Variants in LPP observed in about 807,000 individuals in gnomAD.
The protein encoded by LPP is lipoma-preferred partner.
LPP carries 38 observed loss-of-function variants against 60.4 expected under a neutral mutation model. The observed-to-expected ratio is 0.63, with a 90% CI of 0.49 to 0.83. The LOEUF is 0.83. Among genes scored for constraint, LPP ranks in the 40% least tolerant of loss-of-function variants. LPP has a pLI of 0.00. For synonymous variants in LPP, 328 were observed against 290.8 expected (o/e 1.13, Z -1.30); for missense variants, 902 against 783.6 (o/e 1.15, Z -1.80).
intron 8 of LPP, among the ~76,000 whole-genome samples, chr3:188,745,224 T>C (rs1296466476): frequency 6.6e-6 from 1 of 152,146 alleles, no homozygotes; most frequent in East Asian, 1.9e-4. Flanking sequence ...GGAAGGCAGG[T>C]GTCAGGTCTT....
intron 3 of LPP, among the ~76,000 whole-genome samples, chr3:188,366,904 T>A (rs1292355475): frequency 6.6e-6 from 1 of 152,026 alleles, no homozygotes. Context: ...GAATTGATTT[T>A]TTTTTTTTTT....
At chr3:188,804,868 C>T (rs932531570) in intron 9 of LPP, among the ~76,000 whole-genome samples, 1 of 151,946 alleles carries the variant, frequency 6.6e-6, no homozygotes, top group Non-Finnish European at 1.5e-5. Flanking sequence ...GAGCAAGTTT[C>T]CTTCTTTTCA....
chr3:188,293,410 C>T (rs973299394), intron 2 of LPP, among the ~76,000 whole-genome samples: 10 of 152,148 alleles, frequency 6.6e-5, no homozygotes, highest in African/African-American at 2.2e-4. Flanking sequence ...ATAAACTTAC[C>T]ATCTTGATGA....
chr3:188,721,689 G>A (rs1278712026), intron 8 of LPP, among the ~76,000 whole-genome samples: 1 of 152,176 alleles, frequency 6.6e-6, no homozygotes, highest in African/African-American at 2.4e-5. Context: ...GTGTCCTCAA[G>A]CTTACCCATT....
chr3:188,835,889 C>A (rs1220828159), intron 9 of LPP, among the ~76,000 whole-genome samples: 1 of 152,162 alleles, frequency 6.6e-6, no homozygotes, highest in Non-Finnish European at 1.5e-5. Flanking sequence ...ACAGTAGTTT[C>A]ATTTGAAGGG....
intron 9 of LPP, among the ~76,000 whole-genome samples, chr3:188,764,088 T>C (rs1733265898): frequency 6.6e-6 from 1 of 152,184 alleles, no homozygotes; most frequent in Non-Finnish European, 1.5e-5. Flanking sequence ...TGAGATGCTT[T>C]TCTTCTTTGG....
At chr3:188,694,660 C>T (rs1862829423) in intron 7 of LPP, among the ~76,000 whole-genome samples, 1 of 151,522 alleles carries the variant, frequency 6.6e-6, no homozygotes. Context: ...CGAGATGTTG[C>T]CATTGCACAC....
chr3:188,773,429 G>A (rs1736735552), intron 9 of LPP, among the ~76,000 whole-genome samples: 1 of 152,090 alleles, frequency 6.6e-6, no homozygotes, highest in Non-Finnish European at 1.5e-5. Context: ...TAAGACAAGA[G>A]CGAGGAATGC....
intron 1 of LPP, among the ~76,000 whole-genome samples, chr3:188,156,211 C>T (rs1716365448): frequency 6.6e-6 from 1 of 152,064 alleles, no homozygotes; most frequent in South Asian, 2.1e-4. Flanking sequence ...GAGGCAGGCT[C>T]TCTGTAAGCA....
intron 9 of LPP, among the ~76,000 whole-genome samples, chr3:188,777,151 A>T (rs1738064626): frequency 1.3e-5 from 2 of 151,934 alleles, no homozygotes. Context: ...AGTTGTTTTC[A>T]TTTGATATTC....
At chr3:188,524,874 T>C (rs534261510) in intron 6 of LPP, 87 bp downstream of exon 6, 11 of 1,366,726 alleles carry the variant, frequency 8.0e-6, no homozygotes, top group Non-Finnish European at 1.1e-5. Flanking sequence ...TGAGAGCTTA[T>C]TTCCCCTTCC....
In LPP at chr3:188,708,878, T is replaced by G. The variant is rs556861335; in HGVS notation, c.1240+485T>G. ...ACAGAGTGAGACCCTGTTTTTTTGT[T>G]TTTTGTTTTTGTTTTTGTTTTTTGT... On this transcript the variant is annotated intron_variant, in intron 8 of 11. Transcript: ENST00000617246. 5 of 158,450 alleles carry G rather than the reference T, an allele frequency of 3.2e-5. No individual in the cohort carries two copies. The South Asian group carries it at 8.2e-4, about 26-fold the overall frequency. 9.8% of individuals were successfully genotyped at this position (158,450 alleles called of 1,614,324 possible).
Position 188,450,693 on chromosome 3 carries a change from C to T in LPP, c.194-33899C>T, listed in dbSNP as rs185484702. ...CTGGGAAGCAGAGGTTGCAGTGAGC[C>T]GAGATCACGCCACTGCACTCCAGCT... On this transcript the variant is annotated intron_variant, in intron 4 of 11. Transcript: ENST00000617246. Among the ~76,000 whole-genome samples, 315 of 151,460 alleles carry T rather than the reference C, an allele frequency of 2.1e-3. 4 individuals are homozygous for T. The highest frequency in any genetic ancestry group is 0.014 in the Middle Eastern group (4 of 294).
chr3:188,732,819 ATCT>A (rs1279695252), intron 8 of LPP, among the ~76,000 whole-genome samples: 1 of 152,118 alleles, frequency 6.6e-6, no homozygotes, highest in Non-Finnish European at 1.5e-5. Flanking sequence ...ATGAAAATAC[ATCT>A]TCTTAGAGTA....
chr3:188,312,530 C>T (rs560929846), intron 2 of LPP, among the ~76,000 whole-genome samples: 118 of 152,080 alleles, frequency 7.8e-4, no homozygotes, highest in African/African-American at 2.7e-3. Context: ...AAATGCCTTC[C>T]CCACTTTGTG....
intron 1 of LPP, among the ~76,000 whole-genome samples, chr3:188,185,777 G>A (rs1435938918): frequency 6.6e-6 from 1 of 152,178 alleles, no homozygotes; most frequent in South Asian, 2.1e-4. Context: ...CATGGTGTGG[G>A]TAATTGTTGA....
chr3:188,759,977 A>G, intron 8 of LPP, 136 bp from the exon 9 acceptor site: 1 of 675,858 alleles, frequency 1.5e-6, no homozygotes. Context: ...TAATGGGGTA[A>G]TAGTACTGGG....
At chr3:188,781,295 C>T (rs1456376663) in intron 9 of LPP, among the ~76,000 whole-genome samples, 3 of 152,166 alleles carry the variant, frequency 2.0e-5, no homozygotes, top group East Asian at 3.9e-4. Context: ...AGGAAAGAGA[C>T]TGGATGACCA....
At chr3:188,663,539 G>T (rs1855072417) in intron 7 of LPP, among the ~76,000 whole-genome samples, 1 of 152,072 alleles carries the variant, frequency 6.6e-6, no homozygotes, top group Non-Finnish European at 1.5e-5. Context: ...ACTCCAACGG[G>T]TAGAGTGGCT....
Sources: gnomAD v4.1 joint callset for allele counts (sites outside exome capture counted in the v4.1 genomes callset) on GRCh38, gnomAD v4.1.1 for gene constraint, MANE v1.5 for transcripts, NCBI Gene and HGNC (gene_info 2026-07-23, HGNC 2026-07-21) for gene names.